The following OGA variants were observed in gnomAD, a reference collection of about 807,000 sequenced individuals.
The protein encoded by OGA is O-GlcNAcase, also known as protein O-GlcNAcase.
A neutral mutation model predicts 102.0 loss-of-function variants in OGA; 21 were observed. The ratio of observed to expected loss-of-function variants is 0.21; its 90% CI spans 0.15 to 0.30. OGA has a LOEUF of 0.30. OGA is among the 10% of genes least tolerant of loss of function. The pLI is 1.00. For missense variants in OGA, 765 were observed against 1,107.8 expected, an observed-to-expected ratio of 0.69 and a Z score of 4.39; for synonymous variants, 408 against 378.2, an observed-to-expected ratio of 1.08 and a Z score of -0.91.
rs1182515282 is a variant in OGA, at chr10:101,786,232, C to T, written c.*219G>A. 4 of 397,196 alleles carry T rather than the reference C, an allele frequency of 1.0e-5. No homozygotes were observed. The highest frequency in any genetic ancestry group is 1.7e-5 in the Non-Finnish European group (4 of 230,998). The allele number at this position is 397,196 out of a possible 1,614,324, so 24.6% of individuals were successfully genotyped here. Reference sequence around the variant, plus strand: ...CTAACACAAGACTCAAAAAGGAAGCCCACATCTCTCTTTCATACAGGATTT... The same window carrying T: ...CTAACACAAGACTCAAAAAGGAAGCTCACATCTCTCTTTCATACAGGATTT... On this transcript the variant is annotated 3_prime_UTR_variant, in exon 16 of 16. Coordinates refer to ENST00000361464, the MANE Select transcript of OGA (RefSeq NM_012215.5).
At position 101,787,492 on chromosome 10, in the gene OGA, T is replaced by G. The variant is rs752955615; in HGVS notation, c.2486A>C (p.Glu829Ala). Residue 829 changes from glutamate (E) to alanine (A), a missense_variant, in exon 15 of 16, where the codon GAA (glutamate) becomes GCA (alanine). By Grantham distance (107) the Glu-to-Ala change is moderately radical. Transcript: ENST00000361464. Reference protein sequence around the residue: ...KIMLSFHEEQEVLPETFLANF... With the variant: ...KIMLSFHEEQAVLPETFLANF... ...AGCAAGGAAAGTTTCTGGCAGTACT[T>G]CCTGTTCTTCATGGAAACTCAACAT... 10 of 1,612,476 alleles carry G rather than the reference T, an allele frequency of 6.2e-6. No individual in the cohort carries two copies. The Admixed American group carries it at 1.7e-4, about 27-fold the overall frequency.
chr10:101,810,173 TAAG>T lies in OGA; in HGVS notation c.480+8_480+10del, dbSNP rs756329996. ...ATAGTCAGGAAAAATGAATAAAAAG[TAAG>T]GAGTTACCTGGTCCAATTTACGTTT... On this transcript the variant is annotated splice_region_variant and intron_variant, in intron 4 of 15. Transcript: ENST00000361464. 6.3e-7 allele frequency: 1 copy of T among 1,599,044 alleles called. No individual in the cohort carries two copies. The highest frequency in any genetic ancestry group is 1.1e-5 in the South Asian group (1 of 88,012).
chr10:101,802,483 G>A, intron 7 of OGA, among the ~76,000 whole-genome samples: 1 of 152,034 alleles, frequency 6.6e-6, no homozygotes, highest in East Asian at 1.9e-4. Flanking sequence ...AGACCAGCCT[G>A]ACATGGAGAA....
At chr10:101,794,904 C>T (rs1564641621) in intron 10 of OGA, among the ~76,000 whole-genome samples, 1 of 152,214 alleles carries the variant, frequency 6.6e-6, no homozygotes, top group Non-Finnish European at 1.5e-5. Flanking sequence ...CATTGGAAGA[C>T]AGCATTCTAC....
chr10:101,810,647 T>C (rs1374465573), intron 3 of OGA, among the ~76,000 whole-genome samples: 4 of 152,254 alleles, frequency 2.6e-5, no homozygotes, highest in Non-Finnish European at 5.9e-5. Context: ...CTCCCTTTCA[T>C]TGCCACTTCT....
At chr10:101,811,408 A>G (rs1183909546) in intron 3 of OGA, among the ~76,000 whole-genome samples, 40 of 66,508 alleles carry the variant, frequency 6.0e-4, no homozygotes, top group African/African-American at 1.6e-3. Context: ...AAAAAAATGA[A>G]AAAAAAAAAA....
chr10:101,814,929 T>C (rs964318820), intron 1 of OGA, among the ~76,000 whole-genome samples: 2 of 152,214 alleles, frequency 1.3e-5, no homozygotes, highest in African/African-American at 4.8e-5. Context: ...AGTGTGCTCA[T>C]CACAGCTCAA....
At chr10:101,813,937 A>G (rs1396018047) in intron 1 of OGA, among the ~76,000 whole-genome samples, 2 of 152,188 alleles carry the variant, frequency 1.3e-5, no homozygotes, top group Non-Finnish European at 2.9e-5. Flanking sequence ...CAATTTTTTA[A>G]GAGATCTCAA....
At position 101,784,764 on chromosome 10, in the gene OGA, C is replaced by T. The variant is rs2065175575; in HGVS notation, c.*1687G>A. On this transcript the variant is annotated 3_prime_UTR_variant, in exon 16 of 16. Coordinates refer to ENST00000361464, the MANE Select transcript of OGA (RefSeq NM_012215.5). ...CCAAACAAAATGCTAGAATTGTCCA[C>T]TAGTGTTAAGACGAGAAAACTGAGG... The T allele has an allele frequency of 6.6e-6, 1 of 152,230 alleles. No homozygotes were observed. Among genetic ancestry groups the T allele is most frequent in the South Asian group, 2.1e-4 (1 of 4,824 alleles). The allele number at this position is 152,230 out of a possible 1,614,324, so 9.4% of individuals were successfully genotyped here.
chr10:101,811,667 G>GGGTAA (rs1420577133), intron 3 of OGA, among the ~76,000 whole-genome samples: 1 of 151,848 alleles, frequency 6.6e-6, no homozygotes, highest in African/African-American at 2.4e-5. Context: ...ACTCCAGCCT[G>GGGTAA]GGTAACAAAG....
At position 101,818,328 on chromosome 10, in the gene OGA, TC is replaced by T; in HGVS notation, c.-307del. The T allele has an allele frequency of 2.6e-6, 3 of 1,169,714 alleles. No individual in the cohort carries two copies. Among genetic ancestry groups the T allele is most frequent in the Non-Finnish European group, 3.2e-6 (3 of 944,520 alleles). The allele number at this position is 1,169,714 out of a possible 1,614,324, so 72.5% of individuals were successfully genotyped here. On this transcript the variant is annotated 5_prime_UTR_variant, in exon 1 of 16. Transcript: ENST00000361464. ...TGGAAGAAGACGGCCAAGGGTCCTG[TC>T]CTCGTTCTCTGCCTCTGCTGCCCTC...
chr10:101,794,049 G>T, intron 10 of OGA, 51 bp from the exon 11 acceptor site: 1 of 1,383,502 alleles, frequency 7.2e-7, no homozygotes, highest in South Asian at 1.2e-5. Flanking sequence ...GGGATTTCCT[G>T]GGGTCTCAAA....
rs1287374117 is a variant in OGA, at chr10:101,807,781, C to G, written c.601G>C (p.Glu201Gln). The G allele has an allele frequency of 1.9e-6, 3 of 1,611,512 alleles. No individual in the cohort carries two copies. In the South Asian group the frequency reaches 3.3e-5, roughly 18 times the overall value. ...FAHAQVSITN[E>Q]IYQYLGEPET... The stretch of plus-strand genomic sequence containing the variant: ...GGCTCTCCTAGGTACTGATAGATTT[C>G]ATTTGTGATGGAGACTTGGGCATGA... The change falls in exon 5 of 16, where the codon GAA becomes CAA. Residue 201 changes from glutamate to glutamine, a missense_variant. Transcript: ENST00000361464.
chr10:101,816,772 C>G (rs939257140), intron 1 of OGA, among the ~76,000 whole-genome samples: 6 of 152,002 alleles, frequency 3.9e-5, no homozygotes, highest in African/African-American at 1.5e-4. Context: ...GTACCATAAC[C>G]ACCACCCATT....
chr10:101,788,126 G>C (rs1287370311), intron 14 of OGA, among the ~76,000 whole-genome samples: 1 of 134,006 alleles, frequency 7.5e-6, no homozygotes, highest in Non-Finnish European at 1.6e-5. Flanking sequence ...GCGAGACTCT[G>C]TCTTAAAAAA....
chr10:101,800,739 A>T (rs1183487461), intron 7 of OGA, among the ~76,000 whole-genome samples: 2 of 151,996 alleles, frequency 1.3e-5, no homozygotes, highest in Non-Finnish European at 1.5e-5. Flanking sequence ...GTATGAAGAA[A>T]ACATTGCATA....
chr10:101,805,885 G>A (rs1269207986), intron 6 of OGA, among the ~76,000 whole-genome samples, 160 bp downstream of exon 6: 1 of 152,124 alleles, frequency 6.6e-6, no homozygotes, highest in Admixed American at 6.5e-5. Context: ...AACCTGGGAG[G>A]CGGAGCGTGC....
intron 2 of OGA, 95 bp from the exon 3 acceptor site, chr10:101,813,222 C>T: frequency 1.2e-6 from 1 of 820,026 alleles, no homozygotes; most frequent in Non-Finnish European, 2.0e-6. Flanking sequence ...CCATCTCATA[C>T]AAAGCTAATA....
chr10:101,812,629 G>A (rs934459937), intron 3 of OGA, among the ~76,000 whole-genome samples: 4 of 152,162 alleles, frequency 2.6e-5, no homozygotes, highest in African/African-American at 9.7e-5. Context: ...TAAAAAAATT[G>A]CATAAAATAT....
Sources: allele counts gnomAD v4.1 joint callset (sites outside exome capture counted in the v4.1 genomes callset), GRCh38; gene constraint gnomAD v4.1.1; transcripts MANE v1.5; gene names NCBI Gene and HGNC (gene_info 2026-07-23, HGNC 2026-07-21).